Variants in FLT1 observed in about 807,000 individuals in gnomAD.
FLT1 encodes the protein vascular endothelial growth factor receptor 1.
FLT1 carries 49 observed loss-of-function variants against 156.3 expected under a neutral mutation model. The ratio of observed to expected loss-of-function variants is 0.31; its 90% CI spans 0.25 to 0.40. The LOEUF (loss-of-function observed/expected upper bound fraction) is 0.40, where lower values mean the gene tolerates loss of function less well. Ranked by LOEUF, FLT1 falls within the 10% of genes least tolerant of loss-of-function variation. The pLI is 1.00. For missense variants in FLT1, 1,322 were observed against 1,637.2 expected, an observed-to-expected ratio of 0.81 and a Z score of 3.32; for synonymous variants, 594 against 583.8, an observed-to-expected ratio of 1.02 and a Z score of -0.25.
chr13:28,492,939 G>T (rs1252115481), intron 1 of FLT1, among the ~76,000 whole-genome samples: 1 of 150,868 alleles, frequency 6.6e-6, no homozygotes, highest in South Asian at 2.1e-4. Flanking sequence ...TCCCAAAAAA[G>T]TGCAAATAAA....
At chr13:28,427,715 T>C (rs776030667) in intron 9 of FLT1, 37 bp downstream of exon 9, 2 of 1,588,054 alleles carry the variant, frequency 1.3e-6, no homozygotes, top group South Asian at 2.2e-5. Context: ...ATTTGTTGCC[T>C]ACCAGAACCA....
intron 1 of FLT1, among the ~76,000 whole-genome samples, chr13:28,485,509 T>C (rs1881100996): frequency 6.6e-6 from 1 of 152,190 alleles, no homozygotes. Flanking sequence ...GTCAAGACAT[T>C]ATGTAGCATT....
chr13:28,418,666 C>G (rs1876804699), intron 10 of FLT1, among the ~76,000 whole-genome samples: 1 of 152,274 alleles, frequency 6.6e-6, no homozygotes, highest in South Asian at 2.1e-4. Flanking sequence ...CGGGCTCAAG[C>G]CTTCCTCCCG....
chr13:28,317,143 G>A (rs1054226701), intron 25 of FLT1, among the ~76,000 whole-genome samples: 3 of 152,202 alleles, frequency 2.0e-5, no homozygotes, highest in Non-Finnish European at 4.4e-5. Flanking sequence ...CTCCCACTCC[G>A]TGAGTGAGGC....
chr13:28,414,696 T>C (rs1435997067), intron 10 of FLT1, among the ~76,000 whole-genome samples: 1 of 152,186 alleles, frequency 6.6e-6, no homozygotes, highest in East Asian at 1.9e-4. Context: ...CCCAATCACT[T>C]GGGAAACAGT....
intron 1 of FLT1, among the ~76,000 whole-genome samples, chr13:28,494,547 C>G (rs1230884136): frequency 6.6e-6 from 1 of 152,282 alleles, no homozygotes; most frequent in Admixed American, 6.5e-5. Flanking sequence ...CCGGTCTGAG[C>G]GCTGATGCTC....
chr13:28,468,917 AT>A (rs954037295), intron 1 of FLT1, among the ~76,000 whole-genome samples: 2 of 152,150 alleles, frequency 1.3e-5, no homozygotes, highest in Admixed American at 1.3e-4. Context: ...CAGCCTCATG[AT>A]TTTTTGAACC....
intron 12 of FLT1, 138 bp downstream of exon 12, chr13:28,396,822 G>A: frequency 1.4e-6 from 1 of 708,726 alleles, no homozygotes; most frequent in Non-Finnish European, 2.6e-6. Context: ...CTGAGAGCAA[G>A]GATGAAGGCA....
chr13:28,407,632 T>C (rs1476065154), intron 10 of FLT1, among the ~76,000 whole-genome samples: 1 of 152,218 alleles, frequency 6.6e-6, no homozygotes, highest in Non-Finnish European at 1.5e-5. Flanking sequence ...TTTTTAAAGA[T>C]GTCTGTCTTA....
At chr13:28,402,426 A>G (rs1314662321) in intron 11 of FLT1, among the ~76,000 whole-genome samples, 1 of 152,190 alleles carries the variant, frequency 6.6e-6, no homozygotes, top group Non-Finnish European at 1.5e-5. Flanking sequence ...TCACACCCAC[A>G]AAAAGATATA....
chr13:28,388,693 A>G (rs1252505311), intron 13 of FLT1: 4 of 1,056,522 alleles, frequency 3.8e-6, no homozygotes, highest in African/African-American at 1.6e-5. Flanking sequence ...ACATTTGCAT[A>G]TGGGGAAAGT....
chr13:28,310,892 A>G (rs934602072), intron 27 of FLT1, among the ~76,000 whole-genome samples: 68 of 152,248 alleles, frequency 4.5e-4, no homozygotes, highest in African/African-American at 1.6e-3. Flanking sequence ...GCTTTTAAAA[A>G]AAACATGTAA....
chr13:28,492,836 C>T (rs1216534782), intron 1 of FLT1, among the ~76,000 whole-genome samples: 1 of 152,116 alleles, frequency 6.6e-6, no homozygotes, highest in Non-Finnish European at 1.5e-5. Context: ...TTCAAAAGCA[C>T]CCATGATGCC....
chr13:28,403,027 G>A (rs564042553), intron 11 of FLT1, among the ~76,000 whole-genome samples: 5 of 152,236 alleles, frequency 3.3e-5, no homozygotes, highest in Middle Eastern at 3.4e-3. Flanking sequence ...TGATCCGCCC[G>A]CCACTTTGGT....
chr13:28,443,821 T>C (rs1421415581), intron 3 of FLT1, among the ~76,000 whole-genome samples: 7 of 152,214 alleles, frequency 4.6e-5, no homozygotes, highest in Non-Finnish European at 1.0e-4. Flanking sequence ...AGGCAGGTTC[T>C]TCCATGACTT....
At chr13:28,453,105 TCC>T (rs1879067741) in intron 3 of FLT1, among the ~76,000 whole-genome samples, 1 of 75,522 alleles carries the variant, frequency 1.3e-5, no homozygotes, top group Non-Finnish European at 2.4e-5. Context: ...TCCTTTCCTT[TCC>T]TTTCCTTTCC....
intron 12 of FLT1, among the ~76,000 whole-genome samples, chr13:28,396,195 A>G (rs1435400864): frequency 3.3e-5 from 5 of 152,176 alleles, no homozygotes; most frequent in Non-Finnish European, 7.3e-5. Context: ...ATGGAATTGG[A>G]CATGTCTATT....
intron 10 of FLT1, among the ~76,000 whole-genome samples, chr13:28,415,020 G>T (rs778183996): frequency 1.3e-5 from 2 of 152,154 alleles, no homozygotes; most frequent in Non-Finnish European, 2.9e-5. Flanking sequence ...GCACAGCAGT[G>T]TCAGCACCTG....
rs1218347917 is a variant in FLT1 at position 28,321,066 on chromosome 13, C to G, written c.3174+397G>C. Among the ~76,000 whole-genome samples the G allele has an allele frequency of 3.9e-5, 6 of 152,304 alleles. No individual in the cohort carries two copies. In the East Asian group the frequency reaches 1.2e-3, roughly 29 times the overall value. ...TCCCCGCCCTTTCCTGAGACAGATA[C>G]ACCTGCTGAATCAATCATCTGGGTT... is the stretch of plus-strand genomic sequence containing the variant. On this transcript the variant is annotated intron_variant, in intron 23 of 29. Coordinates refer to ENST00000282397, the MANE Select transcript of FLT1 (RefSeq NM_002019.4).
Sources: gnomAD v4.1 joint callset for allele counts (sites outside exome capture counted in the v4.1 genomes callset) on GRCh38, gnomAD v4.1.1 for gene constraint, MANE v1.5 for transcripts, NCBI Gene and HGNC (gene_info 2026-07-23, HGNC 2026-07-21) for gene names.